SMCHD1: variants seen among roughly 807,000 people sequenced by gnomAD.
The protein encoded by SMCHD1 is structural maintenance of chromosomes flexible hinge domain containing 1.
SMCHD1 carries 78 observed loss-of-function variants against 254.7 expected under a neutral mutation model. The observed-to-expected ratio is 0.31, with a 90% CI of 0.26 to 0.37. The LOEUF is 0.37. SMCHD1 is among the 10% of genes least tolerant of loss of function. SMCHD1 has a pLI of 1.00. For missense variants in SMCHD1, 1,840 were observed against 2,408.1 expected (o/e 0.76, Z 4.94); for synonymous variants, 766 against 794.9 (o/e 0.96, Z 0.61).
At position 2,762,492 on chromosome 18, in the gene SMCHD1, C is replaced by CT. The variant is rs10708453; in HGVS notation, c.4566+275dup. ...AATGCAGAAATCTCAATCTGCCTAC[C>CT]TTTTTTTTTTTTTTTTTTTGAGACA... On this transcript the variant is annotated intron_variant, in intron 36 of 47. Transcript: ENST00000320876. 0.21 allele frequency among the ~76,000 whole-genome samples: 26,773 copies of CT among 126,734 alleles called. 3,078 individuals carry two copies. The highest frequency in any genetic ancestry group is 0.27 in the Admixed American group (3,288 of 12,076). 83.1% of individuals were successfully genotyped at this position (126,734 alleles called of 152,430 possible).
intron 21 of SMCHD1, among the ~76,000 whole-genome samples, chr18:2,725,991 C>CT (rs201203427): frequency 0.01 from 1,537 of 151,682 alleles, 21 homozygotes; most frequent in African/African-American, 0.035. Context: ...AAACCGTGGA[C>CT]TTTTTTTTAC....
chr18:2,791,577 A>G (rs1598453575), intron 45 of SMCHD1, among the ~76,000 whole-genome samples: 1 of 152,322 alleles, frequency 6.6e-6, no homozygotes, highest in East Asian at 1.9e-4. Context: ...AAAATACGTG[A>G]AAGAATAGTT....
In SMCHD1 at chr18:2,784,324, A is replaced by G. The variant is rs540566757; in HGVS notation, c.5548-126A>G. 587 of 734,410 alleles carry G rather than the reference A, an allele frequency of 8.0e-4. 2 individuals carry two copies. Among genetic ancestry groups the G allele is most frequent in the Non-Finnish European group, 1.0e-3 (475 of 475,386 alleles). The allele number at this position is 734,410 out of a possible 1,614,324, so 45.5% of individuals were successfully genotyped here. The stretch of plus-strand genomic sequence containing the variant: ...CAGTTTATCTTACATATTGCTAGTT[A>G]CTAAGTTTTTGAAAATACTACTGTG... On this transcript the variant is annotated intron_variant, in intron 44 of 47. Transcript: ENST00000320876.
intron 1 of SMCHD1, among the ~76,000 whole-genome samples, chr18:2,659,144 G>A (rs547264487): frequency 6.6e-6 from 1 of 152,252 alleles, no homozygotes; most frequent in South Asian, 2.1e-4. Context: ...TTGAGACGGA[G>A]TCTCGCTCTG....
intron 21 of SMCHD1, 140 bp from the exon 22 acceptor site, chr18:2,726,312 A>C (rs2075026310): frequency 2.3e-6 from 1 of 440,224 alleles, no homozygotes; most frequent in Admixed American, 4.3e-5. Context: ...ATATATGATA[A>C]TTTTAGTAAG....
chr18:2,718,011 T>A lies in SMCHD1; in HGVS notation c.2261-147T>A. On this transcript the variant is annotated intron_variant, in intron 17 of 47. Coordinates refer to ENST00000320876, the MANE Select transcript of SMCHD1 (RefSeq NM_015295.3). This position sits in a 1 kb window ranked among gnomAD's most constrained non-coding sequence, Gnocchi z 4.6. ...TTAACTATTATTATTGCTGTTCACT[T>A]TCATAGGATAGTGTTAGATCTTTTG... The A allele has an allele frequency of 1.7e-6, 1 of 582,642 alleles. No homozygotes were observed. The highest frequency in any genetic ancestry group is 2.8e-5 in the East Asian group (1 of 35,618). The allele number at this position is 582,642 out of a possible 1,614,324, so 36.1% of individuals were successfully genotyped here.
At position 2,750,029 on chromosome 18, in the gene SMCHD1, T is replaced by C. The variant is rs746619436; in HGVS notation, c.3928-14T>C. ...AATTTTCTAATTAACCATTTTGTTT[T>C]GTTTTGTTTTTAGCTCATGCCTTCA... On this transcript the variant is annotated splice_polypyrimidine_tract_variant and intron_variant, in intron 30 of 47. Coordinates refer to ENST00000320876, the MANE Select transcript of SMCHD1 (RefSeq NM_015295.3). 1.3e-5 allele frequency: 20 copies of C among 1,543,254 alleles called. 1 individual carries two copies. The South Asian group carries it at 2.4e-4, about 19-fold the overall frequency.
At chr18:2,696,408 C>G (rs986590762) in intron 8 of SMCHD1, among the ~76,000 whole-genome samples, 1 of 152,156 alleles carries the variant, frequency 6.6e-6, no homozygotes, top group Non-Finnish European at 1.5e-5. Context: ...CATAGGAGCA[C>G]GAACCCTAAT....
chr18:2,668,509 G>A (rs1433247235), intron 3 of SMCHD1, among the ~76,000 whole-genome samples: 1 of 152,124 alleles, frequency 6.6e-6, no homozygotes, highest in Non-Finnish European at 1.5e-5. Flanking sequence ...TTAGGAGAGT[G>A]ACTTCAGAGC....
At chr18:2,697,196 T>TA (rs2074303034) in intron 9 of SMCHD1, 74 bp downstream of exon 9, 1 of 663,682 alleles carries the variant, frequency 1.5e-6, no homozygotes, top group Non-Finnish European at 2.4e-6. Context: ...CTCAGGATAA[T>TA]AAAAAACACT....
At chr18:2,793,953 T>C (rs1371188199) in intron 45 of SMCHD1, among the ~76,000 whole-genome samples, 1 of 152,206 alleles carries the variant, frequency 6.6e-6, no homozygotes, top group Non-Finnish European at 1.5e-5. Context: ...CTCTGTACTC[T>C]TAAGTAATTT....
chr18:2,789,530 C>T (rs2076287608), intron 45 of SMCHD1, among the ~76,000 whole-genome samples: 1 of 151,624 alleles, frequency 6.6e-6, no homozygotes. Context: ...TTTTTTCTCC[C>T]CCCACCATTT....
chr18:2,663,511 C>T (rs148431502), intron 1 of SMCHD1, among the ~76,000 whole-genome samples: 1,539 of 152,228 alleles, frequency 0.01, 21 homozygotes, highest in African/African-American at 0.035. Flanking sequence ...TGCTTTAATT[C>T]TCCTGGAATT....
At chr18:2,703,610 AAAAT>A (rs1395001029) in intron 12 of SMCHD1, 78 bp from the exon 13 acceptor site, 2 of 1,215,958 alleles carry the variant, frequency 1.6e-6, no homozygotes, top group South Asian at 1.4e-5. Flanking sequence ...TGAAAGGAAA[AAAAT>A]AAAATGAATG....
chr18:2,679,604 T>G (rs1309337154), intron 5 of SMCHD1, among the ~76,000 whole-genome samples: 1 of 152,154 alleles, frequency 6.6e-6, no homozygotes, highest in Non-Finnish European at 1.5e-5. Flanking sequence ...TTAATCTTTT[T>G]GAGGATCACT....
At chr18:2,755,968 A>G (rs2075670977) in intron 34 of SMCHD1, among the ~76,000 whole-genome samples, 1 of 152,156 alleles carries the variant, frequency 6.6e-6, no homozygotes, top group South Asian at 2.1e-4. Flanking sequence ...TTCGAATCTC[A>G]AAGGGAACAT....
In SMCHD1 at chr18:2,743,911, T is replaced by C; in HGVS notation, c.3784T>C (p.Trp1262Arg). The change falls in exon 29 of 48, where the codon TGG (tryptophan) becomes CGG (arginine). Residue 1262 changes from tryptophan to arginine, a missense_variant. Around this residue, in one of 9 missense-constraint regions of SMCHD1, gnomAD observed 881 missense variants for 1,009.5 expected, o/e 0.87. Coordinates refer to ENST00000320876, the MANE Select transcript of SMCHD1 (RefSeq NM_015295.3). ...TCCTGCTAAACTTCTCCTTATAGAC[T>C]GGCCAGAACTAAAGGAGGTAAGTCA... ...GPPAKLLLID[W>R]PELKESIPVI... 6.2e-7 allele frequency: 1 copy of C among 1,611,090 alleles called. No homozygotes were observed. Among genetic ancestry groups the C allele is most frequent in the Non-Finnish European group, 8.5e-7 (1 of 1,178,702 alleles).
At chr18:2,763,118 A>T (rs775269544) in intron 36 of SMCHD1, among the ~76,000 whole-genome samples, 12 of 152,194 alleles carry the variant, frequency 7.9e-5, no homozygotes, top group Non-Finnish European at 1.8e-4. Flanking sequence ...CCTGTTTTAG[A>T]TGATGGGTTA....
chr18:2,744,499 CAT>C (rs1012745772), intron 29 of SMCHD1, among the ~76,000 whole-genome samples: 2 of 151,734 alleles, frequency 1.3e-5, no homozygotes, highest in Admixed American at 6.6e-5. Flanking sequence ...TTGTGTACAA[CAT>C]ATTTTGAAAT....
Sources: gnomAD v4.1 joint callset for allele counts (sites outside exome capture counted in the v4.1 genomes callset) on GRCh38, gnomAD v4.1.1 for gene constraint, gnomAD v4.1.1 regional missense constraint, Gnocchi (gnomAD v3.1) non-coding constraint, MANE v1.5 for transcripts, NCBI Gene and HGNC (gene_info 2026-07-23, HGNC 2026-07-21) for gene names.